Variants in TARS3 observed in about 807,000 individuals in gnomAD.
TARS3 encodes threonine--tRNA ligase 2, cytoplasmic.
In TARS3, 94 loss-of-function variants were observed where a neutral mutation model predicts 103.5. That is an observed-to-expected ratio of 0.91 (90% CI 0.77 to 1.08). The LOEUF is 1.08. Among genes scored for constraint, TARS3 ranks in the 50% least tolerant of loss-of-function variants. The pLI, the probability that TARS3 is intolerant of heterozygous loss-of-function variation, is 0.00. For missense variants in TARS3, 952 were observed against 995.2 expected, an observed-to-expected ratio of 0.96 and a Z score of 0.58; for synonymous variants, 416 against 355.4, an observed-to-expected ratio of 1.17 and a Z score of -1.92.
intron 16 of TARS3, among the ~76,000 whole-genome samples, chr15:101,660,152 G>C (rs1397898505): frequency 6.6e-6 from 1 of 152,228 alleles, no homozygotes; most frequent in African/African-American, 2.4e-5. Flanking sequence ...CCGGTGCCCA[G>C]TGTCCACAGT....
intron 8 of TARS3, among the ~76,000 whole-genome samples, chr15:101,702,613 T>G (rs1315295771): frequency 6.6e-6 from 1 of 151,768 alleles, no homozygotes; most frequent in Non-Finnish European, 1.5e-5. Context: ...GTACAGAAAA[T>G]ACAAAAACTA....
chr15:101,712,448 C>G (rs1899915276), intron 4 of TARS3, among the ~76,000 whole-genome samples: 1 of 152,188 alleles, frequency 6.6e-6, no homozygotes, highest in Non-Finnish European at 1.5e-5. Flanking sequence ...TGAAGTGTTC[C>G]TGACACCACT....
chr15:101,718,136 C>A (rs1473582), intron 3 of TARS3, among the ~76,000 whole-genome samples: 151,386 of 152,272 alleles, frequency 0.99, 75,256 homozygotes, highest in Middle Eastern at 1. Context: ...TGGGAGGCTG[C>A]TGTGGGCAGA....
chr15:101,684,376 A>G (rs1452748789), intron 11 of TARS3, 139 bp from the exon 12 acceptor site: 1 of 805,910 alleles, frequency 1.2e-6, no homozygotes, highest in African/African-American at 1.8e-5. Context: ...GTTAAAAAAA[A>G]AATTCTTCCA....
intron 8 of TARS3, among the ~76,000 whole-genome samples, chr15:101,703,403 A>C (rs1899381273): frequency 1.3e-5 from 2 of 152,218 alleles, no homozygotes; most frequent in Non-Finnish European, 1.5e-5. Context: ...CAGCCTGACC[A>C]ATGTGGTAAA....
intron 13 of TARS3, among the ~76,000 whole-genome samples, chr15:101,673,190 C>A (rs1897882322): frequency 1.3e-5 from 2 of 152,196 alleles, no homozygotes; most frequent in Admixed American, 1.3e-4. Flanking sequence ...TCCATCCAGT[C>A]ACACCCCTGG....
intron 10 of TARS3, among the ~76,000 whole-genome samples, chr15:101,693,525 CAT>C (rs1898827923): frequency 6.6e-6 from 1 of 152,070 alleles, no homozygotes; most frequent in Non-Finnish European, 1.5e-5. Context: ...ACCATATCAC[CAT>C]ATGACCCTGA....
In TARS3 at chr15:101,708,658, A is replaced by G. The variant is rs1292919798; in HGVS notation, c.930+135T>C. The G allele has an allele frequency of 1.0e-5, 7 of 671,738 alleles. No individual in the cohort carries two copies. The African/African-American group carries it at 1.3e-4, about 12-fold the overall frequency. The allele number at this position is 671,738 out of a possible 1,614,324, so 41.6% of individuals were successfully genotyped here. On this transcript the variant is annotated intron_variant, in intron 6 of 18. Coordinates refer to ENST00000335968, the MANE Select transcript of TARS3 (RefSeq NM_152334.3). Reference sequence around the variant, plus strand: ...GAAATGTCACAGCAAGTAACTGGTAACAACCTCACAGTAGCTTAACAGGAT... The same window carrying G: ...GAAATGTCACAGCAAGTAACTGGTAGCAACCTCACAGTAGCTTAACAGGAT...
chr15:101,653,689 TCTTA>T lies in TARS3; in HGVS notation c.*889_*892del, dbSNP rs886416345. The T allele has an allele frequency of 9.6e-4, 146 of 152,388 alleles. No homozygotes were observed. Among genetic ancestry groups the T allele is most frequent in the African/African-American group, 3.3e-3 (138 of 41,598 alleles). The allele number at this position is 152,388 out of a possible 1,614,324, so 9.4% of individuals were successfully genotyped here. ...ATCAGTATATTGAAAAGAGATTATT[TCTTA>T]CATTTCTTTTGAATTTCACAGCATA... On this transcript the variant is annotated 3_prime_UTR_variant, in exon 19 of 19. Transcript: ENST00000335968.
chr15:101,706,523 G>T (rs1899572100), intron 6 of TARS3, among the ~76,000 whole-genome samples: 1 of 152,178 alleles, frequency 6.6e-6, no homozygotes. Context: ...GCTCAGACTA[G>T]TGGATTCCAT....
intron 8 of TARS3, among the ~76,000 whole-genome samples, chr15:101,703,646 C>A (rs1899395521): frequency 6.6e-6 from 1 of 151,956 alleles, no homozygotes; most frequent in African/African-American, 2.4e-5. Context: ...ATAACACTTA[C>A]AATAAGGTAA....
chr15:101,698,746 C>T (rs888420707), intron 10 of TARS3, among the ~76,000 whole-genome samples: 2 of 152,192 alleles, frequency 1.3e-5, no homozygotes, highest in African/African-American at 2.4e-5. Flanking sequence ...AAACTGCACC[C>T]GAGGAGCCTC....
At chr15:101,661,897 T>C (rs1897396274) in intron 15 of TARS3, 81 bp from the exon 16 acceptor site, 6 of 820,962 alleles carry the variant, frequency 7.3e-6, no homozygotes, top group East Asian at 2.9e-5. Context: ...ATTTTGAGAA[T>C]AGATTTAGAT....
At chr15:101,708,940 A>T in intron 5 of TARS3, 30 bp from the exon 6 acceptor site, 1 of 1,407,372 alleles carries the variant, frequency 7.1e-7, no homozygotes, top group Non-Finnish European at 9.7e-7. Context: ...ACCGACATCC[A>T]TCTTCCAGAC....
At chr15:101,701,923 G>A (rs184475782) in intron 9 of TARS3, among the ~76,000 whole-genome samples, 9 of 152,286 alleles carry the variant, frequency 5.9e-5, no homozygotes, top group African/African-American at 1.7e-4. Flanking sequence ...CTACAAGCGC[G>A]TGCTGCCACG....
chr15:101,683,599 C>T (rs1898343793), intron 12 of TARS3, among the ~76,000 whole-genome samples: 1 of 152,148 alleles, frequency 6.6e-6, no homozygotes, highest in Non-Finnish European at 1.5e-5. Flanking sequence ...ACAACATTGG[C>T]ATATTACCCA....
chr15:101,713,968 T>C (rs1357991259), intron 4 of TARS3, among the ~76,000 whole-genome samples: 1 of 152,148 alleles, frequency 6.6e-6, no homozygotes, highest in Non-Finnish European at 1.5e-5. Context: ...GTTCTTATAG[T>C]TTAAAGAAAT....
In TARS3 at chr15:101,702,258, T is replaced by C. The variant is rs1899319396; in HGVS notation, c.1202A>G (p.Asp401Gly). The change falls in exon 9 of 19, where the codon GAT (aspartate) becomes GGT (glycine). Residue 401 changes from aspartate (D) to glycine (G), a missense_variant. Coordinates refer to ENST00000335968, the MANE Select transcript of TARS3 (RefSeq NM_152334.3). ...GCATACCTTCCCGATCTTCCTGTGA[T>C]CTCGGTTCTTTGCTTCCTCTTGGAA... ...EKFQEEAKNR[D>G]HRKIGKEQEL... 1 of 1,614,206 alleles carries C rather than the reference T, an allele frequency of 6.2e-7. No individual in the cohort carries two copies. The highest frequency in any genetic ancestry group is 1.3e-5 in the African/African-American group (1 of 75,056).
In TARS3 at chr15:101,653,807, T is replaced by G. The variant is rs1388309145; in HGVS notation, c.*775A>C. On this transcript the variant is annotated 3_prime_UTR_variant, in exon 19 of 19. Transcript: ENST00000335968. ...ATTCAGTTCTGAGCACGTAGAGCAT[T>G]CCTCTCTTTAAAATCTGAAATCCAT... is the stretch of plus-strand genomic sequence containing the variant. 2.0e-5 allele frequency: 3 copies of G among 152,264 alleles called. No homozygotes were observed. Among genetic ancestry groups the G allele is most frequent in the African/African-American group, 4.8e-5 (2 of 41,458 alleles). The allele number at this position is 152,264 out of a possible 1,614,324, so 9.4% of individuals were successfully genotyped here. A position where few individuals can be genotyped will look rare whatever the true frequency, so the allele number is the denominator to read the frequency against.
Sources: allele counts gnomAD v4.1 joint callset (sites outside exome capture counted in the v4.1 genomes callset), GRCh38; gene constraint gnomAD v4.1.1; transcripts MANE v1.5; gene names NCBI Gene and HGNC (gene_info 2026-07-23, HGNC 2026-07-21).